Variants in CADM1 observed in about 807,000 individuals in gnomAD.
CADM1 encodes the protein TSLC-1.
CADM1 carries 15 observed loss-of-function variants against 53.1 expected under a neutral mutation model. That is an observed-to-expected ratio of 0.28 (90% CI 0.19 to 0.44). CADM1 has a LOEUF of 0.44. Ranked by LOEUF, CADM1 falls within the 20% of genes least tolerant of loss-of-function variation. The probability of loss-of-function intolerance (pLI) is 1.00; values close to 1 mark genes in which losing one functional copy is unlikely to be tolerated. For missense variants in CADM1, 434 were observed against 611.3 expected, an observed-to-expected ratio of 0.71 and a Z score of 3.06; for synonymous variants, 281 against 243.0, an observed-to-expected ratio of 1.16 and a Z score of -1.45.
chr11:115,232,437 T>C lies in CADM1; in HGVS notation c.425-947A>G, dbSNP rs138004671. 4.0e-3 allele frequency among the ~76,000 whole-genome samples: 610 copies of C among 152,358 alleles called. 4 individuals are homozygous for C. The highest frequency in any genetic ancestry group is 6.8e-3 in the Admixed American group (104 of 15,310). Reference sequence around the variant, plus strand: ...GTAATATAAGAAATGCCAATTAGTTTGCAGCAATTTTCCATATTCTGAATT... The same window carrying C: ...GTAATATAAGAAATGCCAATTAGTTCGCAGCAATTTTCCATATTCTGAATT... On this transcript the variant is annotated intron_variant, in intron 3 of 11. Transcript: ENST00000331581.
intron 1 of CADM1, among the ~76,000 whole-genome samples, chr11:115,425,656 T>C (rs1369003904): frequency 6.6e-6 from 1 of 152,238 alleles, no homozygotes; most frequent in Non-Finnish European, 1.5e-5. Context: ...GATTGTTGCT[T>C]CTGAGGGGAT....
At chr11:115,305,066 T>C (rs997808198) in intron 1 of CADM1, among the ~76,000 whole-genome samples, 1 of 151,948 alleles carries the variant, frequency 6.6e-6, no homozygotes, top group African/African-American at 2.4e-5. Context: ...ACAGGAGACA[T>C]AGAAGCTCAC....
intron 1 of CADM1, among the ~76,000 whole-genome samples, chr11:115,335,470 T>C (rs1308328933): frequency 6.6e-6 from 1 of 152,130 alleles, no homozygotes; most frequent in African/African-American, 2.4e-5. Context: ...TATATAGTTG[T>C]AAAAGGAAAA....
chr11:115,325,997 A>C (rs112172725), intron 1 of CADM1, among the ~76,000 whole-genome samples: 362 of 152,308 alleles, frequency 2.4e-3, no homozygotes, highest in African/African-American at 8.1e-3. Context: ...TTCAAGGGTT[A>C]CATTTAAAAT....
At chr11:115,190,856 C>G (rs891167802) in intron 10 of CADM1, 32 bp downstream of exon 10, 8 of 1,575,230 alleles carry the variant, frequency 5.1e-6, no homozygotes, top group Non-Finnish European at 6.9e-6. Flanking sequence ...AGGTTGGACA[C>G]TGCAGTGCCT....
chr11:115,294,647 G>GGGAA (rs1943999643), intron 1 of CADM1, among the ~76,000 whole-genome samples: 2 of 152,138 alleles, frequency 1.3e-5, no homozygotes, highest in Admixed American at 1.3e-4. Flanking sequence ...AAAATAGAGA[G>GGGAA]GGAAGCCTCA....
intron 1 of CADM1, among the ~76,000 whole-genome samples, chr11:115,426,851 CAT>C (rs1947906593): frequency 6.6e-6 from 1 of 152,102 alleles, no homozygotes. Flanking sequence ...CAGGAAGAGG[CAT>C]GTGATGGGTA....
chr11:115,203,663 T>A (rs187562089), intron 8 of CADM1, among the ~76,000 whole-genome samples: 2 of 152,308 alleles, frequency 1.3e-5, no homozygotes, highest in East Asian at 3.9e-4. Context: ...ATAAAGAGCA[T>A]AAAGTTATTG....
At chr11:115,392,409 T>G (rs1191430077) in intron 1 of CADM1, among the ~76,000 whole-genome samples, 2 of 151,926 alleles carry the variant, frequency 1.3e-5, no homozygotes, top group Non-Finnish European at 2.9e-5. Flanking sequence ...TCTAAAGAGT[T>G]ATAATAGGAC....
chr11:115,427,264 C>CCCA (rs1565421880), intron 1 of CADM1, among the ~76,000 whole-genome samples: 3 of 152,142 alleles, frequency 2.0e-5, no homozygotes, highest in Non-Finnish European at 4.4e-5. Context: ...CTTCAAACAA[C>CCCA]CCATATGTCT....
chr11:115,213,155 G>A (rs6589485), intron 7 of CADM1, among the ~76,000 whole-genome samples: 84,432 of 151,968 alleles, frequency 0.56, 24,765 homozygotes, highest in East Asian at 0.78. Context: ...CAGCAATGTC[G>A]GGGACTCCCA....
chr11:115,406,154 A>G (rs1947307201), intron 1 of CADM1, among the ~76,000 whole-genome samples: 1 of 152,166 alleles, frequency 6.6e-6, no homozygotes, highest in Admixed American at 6.5e-5. Context: ...TGTAAATGGT[A>G]TCTTTAGACC....
At chr11:115,423,253 G>C (rs999192026) in intron 1 of CADM1, among the ~76,000 whole-genome samples, 1 of 152,060 alleles carries the variant, frequency 6.6e-6, no homozygotes, top group African/African-American at 2.4e-5. Context: ...TGATGTGACC[G>C]TATTTACAAA....
chr11:115,432,017 T>C (rs1441496795), intron 1 of CADM1, among the ~76,000 whole-genome samples: 1 of 152,036 alleles, frequency 6.6e-6, no homozygotes, highest in Non-Finnish European at 1.5e-5. Flanking sequence ...TGATCTCGGC[T>C]CACTGCAACC....
chr11:115,233,831 T>C (rs1484612373), intron 3 of CADM1, among the ~76,000 whole-genome samples: 1 of 152,200 alleles, frequency 6.6e-6, no homozygotes, highest in Admixed American at 6.5e-5. Flanking sequence ...ATGTAACTGA[T>C]GGGATAGGAA....
intron 10 of CADM1, among the ~76,000 whole-genome samples, chr11:115,179,908 G>A (rs1298769109): frequency 6.6e-6 from 1 of 152,158 alleles, no homozygotes; most frequent in Non-Finnish European, 1.5e-5. Flanking sequence ...CTATAAATCT[G>A]TCCCCCTTGC....
chr11:115,240,436 G>T lies in CADM1; in HGVS notation c.125-16C>A. The T allele has an allele frequency of 6.2e-7, 1 of 1,613,184 alleles. No homozygotes were observed. Among genetic ancestry groups the T allele is most frequent in the Non-Finnish European group, 8.5e-7 (1 of 1,179,510 alleles). Reference sequence around the variant, plus strand: ...TGCCCATCACCTTAAAAAAAGGGAAGAAAAGGTCAGAGGAAAATTTCCATC... The same window carrying T: ...TGCCCATCACCTTAAAAAAAGGGAATAAAAGGTCAGAGGAAAATTTCCATC... On this transcript the variant is annotated splice_polypyrimidine_tract_variant and intron_variant, in intron 1 of 11. Coordinates refer to ENST00000331581, the MANE Select transcript of CADM1 (RefSeq NM_001301043.2).
Position 115,176,059 on chromosome 11 carries a change from C to A in CADM1, c.*415G>T, listed in dbSNP as rs554190790. On this transcript the variant is annotated 3_prime_UTR_variant, in exon 12 of 12. Transcript: ENST00000331581. ...GGAAGGAAAAGAGTCTAAGGAATCC[C>A]AGCAGGCAAATTCCAAAATGGGAGA... 223 of 1,083,310 alleles carry A rather than the reference C, an allele frequency of 2.1e-4. No individual in the cohort carries two copies. The African/African-American group carries it at 3.5e-3, about 17-fold the overall frequency. The allele number at this position is 1,083,310 out of a possible 1,614,324, so 67.1% of individuals were successfully genotyped here. A position where few individuals can be genotyped will look rare whatever the true frequency, so the allele number is the denominator to read the frequency against.
intron 1 of CADM1, among the ~76,000 whole-genome samples, chr11:115,432,054 C>G (rs2135298705): frequency 6.6e-6 from 1 of 152,200 alleles, no homozygotes; most frequent in East Asian, 1.9e-4. Flanking sequence ...TTAAGTGATT[C>G]TCCCACCTCA....
Sources: allele counts gnomAD v4.1 joint callset (sites outside exome capture counted in the v4.1 genomes callset), GRCh38; gene constraint gnomAD v4.1.1; transcripts MANE v1.5; gene names NCBI Gene and HGNC (gene_info 2026-07-23, HGNC 2026-07-21).